Variants in CAMK1D observed in about 807,000 individuals in gnomAD.
CAMK1D encodes the protein calcium/calmodulin-dependent protein kinase type 1D.
Under a neutral mutation model 47.7 loss-of-function variants are expected in CAMK1D, and 9 were observed. The ratio of observed to expected loss-of-function variants is 0.19; its 90% CI spans 0.11 to 0.33. The LOEUF is 0.33. Ranked by LOEUF, CAMK1D falls within the 10% of genes least tolerant of loss-of-function variation. The probability of loss-of-function intolerance (pLI) is 1.00; values close to 1 mark genes in which losing one functional copy is unlikely to be tolerated. For missense variants in CAMK1D, 291 were observed against 488.7 expected, an observed-to-expected ratio of 0.60 and a Z score of 3.81; for synonymous variants, 184 against 184.9, an observed-to-expected ratio of 0.99 and a Z score of 0.04.
intron 3 of CAMK1D, among the ~76,000 whole-genome samples, chr10:12,738,812 A>G (rs947414214): frequency 6.6e-6 from 1 of 152,162 alleles, no homozygotes; most frequent in African/African-American, 2.4e-5. Flanking sequence ...AGCCTGGGCA[A>G]CAGAGCAAGA....
At chr10:12,547,199 C>G (rs1489928792) in intron 1 of CAMK1D, among the ~76,000 whole-genome samples, 3 of 152,150 alleles carry the variant, frequency 2.0e-5, no homozygotes, top group Admixed American at 2.0e-4. Flanking sequence ...AAGCAAAGAA[C>G]TTTAGGAAGG....
intron 3 of CAMK1D, among the ~76,000 whole-genome samples, chr10:12,693,637 A>T (rs1027027263): frequency 6.6e-6 from 1 of 151,478 alleles, no homozygotes; most frequent in African/African-American, 2.4e-5. Context: ...GTCCCCCCCT[A>T]AAAAAGAAAC....
At chr10:12,413,046 T>G (rs925461019) in intron 1 of CAMK1D, among the ~76,000 whole-genome samples, 2 of 152,170 alleles carry the variant, frequency 1.3e-5, no homozygotes, top group African/African-American at 4.8e-5. Context: ...TAGGCTGTTC[T>G]TGCATTGTTC....
intron 3 of CAMK1D, 66 bp downstream of exon 3, chr10:12,666,876 G>T: frequency 7.6e-7 from 1 of 1,318,198 alleles, no homozygotes; most frequent in Non-Finnish European, 1.1e-6. Context: ...AAAGGGATCA[G>T]GTGGGAAAAG....
chr10:12,810,774 G>A (rs1005375908), intron 6 of CAMK1D, among the ~76,000 whole-genome samples: 12 of 152,184 alleles, frequency 7.9e-5, no homozygotes, highest in Non-Finnish European at 1.8e-4. Flanking sequence ...GAGCAAAATA[G>A]TTAAGAACAC....
At chr10:12,643,127 G>C (rs1368604860) in intron 2 of CAMK1D, among the ~76,000 whole-genome samples, 1 of 152,064 alleles carries the variant, frequency 6.6e-6, no homozygotes, top group Non-Finnish European at 1.5e-5. Flanking sequence ...TTAGCAGCCT[G>C]AGTAGCTGGA....
chr10:12,786,919 T>TA (rs1264992140), intron 5 of CAMK1D, among the ~76,000 whole-genome samples: 1 of 152,346 alleles, frequency 6.6e-6, no homozygotes, highest in South Asian at 2.1e-4. Flanking sequence ...GGTCAGGAGT[T>TA]AGAGACCAGC....
chr10:12,559,427 C>T (rs1390209696), intron 2 of CAMK1D, among the ~76,000 whole-genome samples: 1 of 152,182 alleles, frequency 6.6e-6, no homozygotes, highest in African/African-American at 2.4e-5. Context: ...CTGATCCTAA[C>T]TCATAATCAG....
At chr10:12,474,089 G>T (rs1833828486) in intron 1 of CAMK1D, among the ~76,000 whole-genome samples, 1 of 152,066 alleles carries the variant, frequency 6.6e-6, no homozygotes, top group African/African-American at 2.4e-5. Context: ...GAGGCTGGTG[G>T]TTCCACCAAC....
chr10:12,576,944 C>T, intron 2 of CAMK1D, among the ~76,000 whole-genome samples: 1 of 152,202 alleles, frequency 6.6e-6, no homozygotes, highest in Non-Finnish European at 1.5e-5. Flanking sequence ...GGAACCACAT[C>T]TCTGCGAGTG....
intron 1 of CAMK1D, among the ~76,000 whole-genome samples, chr10:12,490,876 A>T (rs182081364): frequency 4.6e-5 from 7 of 152,234 alleles, no homozygotes; most frequent in Non-Finnish European, 1.0e-4. Flanking sequence ...TGGTGATGAC[A>T]TACTGTATGC....
intron 2 of CAMK1D, among the ~76,000 whole-genome samples, chr10:12,583,444 A>G (rs567431192): frequency 2.6e-5 from 4 of 152,258 alleles, no homozygotes; most frequent in Admixed American, 2.6e-4. Flanking sequence ...TTAATAGGAA[A>G]ATCCCTTAAA....
At chr10:12,715,650 A>G (rs1049361201) in intron 3 of CAMK1D, among the ~76,000 whole-genome samples, 3 of 151,850 alleles carry the variant, frequency 2.0e-5, no homozygotes, top group South Asian at 4.2e-4. Flanking sequence ...TAAATAGACA[A>G]AAGTTAGGGA....
intron 1 of CAMK1D, among the ~76,000 whole-genome samples, chr10:12,478,334 C>T (rs1833963581): frequency 1.3e-5 from 2 of 149,522 alleles, no homozygotes; most frequent in African/African-American, 2.5e-5. Context: ...GACAAGGTCT[C>T]GCTCTGTCAC....
chr10:12,516,497 A>G (rs1835215445), intron 1 of CAMK1D, among the ~76,000 whole-genome samples: 1 of 152,228 alleles, frequency 6.6e-6, no homozygotes. Context: ...TTGGGTAAAT[A>G]AATAGCTAGG....
At chr10:12,788,222 C>G (rs1362515559) in intron 5 of CAMK1D, among the ~76,000 whole-genome samples, 1 of 23,550 alleles carries the variant, frequency 4.2e-5, no homozygotes, top group Non-Finnish European at 2.3e-3. Flanking sequence ...TGGGGCCTCA[C>G]TCTTGTTGCC....
At chr10:12,805,048 C>T (rs1196103999) in intron 6 of CAMK1D, among the ~76,000 whole-genome samples, 3 of 151,302 alleles carry the variant, frequency 2.0e-5, no homozygotes, top group African/African-American at 4.9e-5. Context: ...ATCACGAGGT[C>T]AGAAGATCGA....
chr10:12,422,692 A>G lies in CAMK1D; in HGVS notation c.92+72782A>G, dbSNP rs183963830. Among the ~76,000 whole-genome samples, 41 of 151,016 alleles carry G rather than the reference A, an allele frequency of 2.7e-4. 1 individual carries two copies. In the East Asian group the frequency reaches 6.2e-3, roughly 23 times the overall value. The stretch of plus-strand genomic sequence containing the variant: ...ATAATTTTTTTTTTTTTCTTTTTTG[A>G]GACAGAGTCTCAGTCTGTCGCCCAG... On this transcript the variant is annotated intron_variant, in intron 1 of 10. Transcript: ENST00000619168.
At chr10:12,774,522 T>C (rs909006840) in intron 5 of CAMK1D, among the ~76,000 whole-genome samples, 1 of 152,194 alleles carries the variant, frequency 6.6e-6, no homozygotes, top group Admixed American at 6.5e-5. Context: ...AATCGTCGTA[T>C]AGACTTTAGC....
Sources: allele counts gnomAD v4.1 joint callset (sites outside exome capture counted in the v4.1 genomes callset), GRCh38; gene constraint gnomAD v4.1.1; transcripts MANE v1.5; gene names NCBI Gene and HGNC (gene_info 2026-07-23, HGNC 2026-07-21).